The following DNAJC16 variants were observed in gnomAD, a reference collection of about 807,000 sequenced individuals.
DNAJC16 encodes DnaJ heat shock protein family (Hsp40) member C16.
DNAJC16 carries 76 observed loss-of-function variants against 92.7 expected under a neutral mutation model. That is an observed-to-expected ratio of 0.82 (90% confidence interval 0.68 to 0.99). The LOEUF is 0.99. Ranked by LOEUF, DNAJC16 falls within the 50% of genes least tolerant of loss-of-function variation. DNAJC16 has a pLI of 0.00. For synonymous variants in DNAJC16, 328 were observed against 358.7 expected (o/e 0.91, Z 0.97); for missense variants, 869 against 942.4 (o/e 0.92, Z 1.02).
intron 4 of DNAJC16, among the ~76,000 whole-genome samples, chr1:15,544,146 A>G (rs1638224379): frequency 7.5e-6 from 1 of 132,838 alleles, no homozygotes; most frequent in South Asian, 2.3e-4. Flanking sequence ...TTTTATGTAT[A>G]TGCATACACA....
At position 15,567,099 on chromosome 1, in the gene DNAJC16, C is replaced by G. The variant is rs757645004; in HGVS notation, c.1779C>G (p.Ser593Arg). The change falls in exon 14 of 15, where the codon AGC becomes AGG. Residue 593 changes from serine (S) to arginine (R), a missense_variant and splice_region_variant. Physicochemically the swap from Ser to Arg is moderately radical, Grantham distance 110 (BLOSUM62 -1). Coordinates refer to ENST00000375847, the MANE Select transcript of DNAJC16 (RefSeq NM_015291.4). Reference sequence around the variant, plus strand: ...TTAACTCCTCAATATTTCTCCACAGCAAGATTCCTAAAAAAGGCTTTGTGG... The same window carrying G: ...TTAACTCCTCAATATTTCTCCACAGGAAGATTCCTAAAAAAGGCTTTGTGG... Reference protein sequence around the residue: ...TEPSFTKENSSKIPKKGFVEV... With the variant: ...TEPSFTKENSRKIPKKGFVEV... 5 of 1,605,890 alleles carry G rather than the reference C, an allele frequency of 3.1e-6. No individual in the cohort carries two copies. Among genetic ancestry groups the G allele is most frequent in the Admixed American group, 1.7e-5 (1 of 59,912 alleles).
Position 15,568,799 on chromosome 1 carries a change from G to A in DNAJC16, c.*622G>A, listed in dbSNP as rs781251550. ...CAGGTTGAAAAGGAAAGGAATAAAC[G>A]GGAGTTCTGCATGTGAGTTCTCAAG... On this transcript the variant is annotated 3_prime_UTR_variant, in exon 15 of 15. Transcript: ENST00000375847. 4.0e-5 allele frequency: 16 copies of A among 398,332 alleles called. No homozygotes were observed. Among genetic ancestry groups the A allele is most frequent in the African/African-American group, 1.0e-4 (5 of 48,766 alleles). The allele number at this position is 398,332 out of a possible 1,614,324, so 24.7% of individuals were successfully genotyped here.
intron 9 of DNAJC16, 149 bp downstream of exon 9, chr1:15,562,474 C>CT (rs1638713116): frequency 5.4e-6 from 5 of 919,584 alleles, no homozygotes; most frequent in Non-Finnish European, 6.1e-6. Context: ...TTTGTTTTTC[C>CT]TTTTTCTTGA....
chr1:15,558,071 A>G (rs1269631215), intron 7 of DNAJC16, among the ~76,000 whole-genome samples: 2 of 149,474 alleles, frequency 1.3e-5, no homozygotes, highest in African/African-American at 2.5e-5. Context: ...GGGTTTCACT[A>G]TGTTGCACAG....
In DNAJC16 at chr1:15,570,978, C is replaced by T. The variant is rs1335680231; in HGVS notation, c.*2801C>T. On this transcript the variant is annotated 3_prime_UTR_variant, in exon 15 of 15. Coordinates refer to ENST00000375847, the MANE Select transcript of DNAJC16 (RefSeq NM_015291.4). ...GTTTAGCAGATGGGGTAAAACTGGC[C>T]TAAAACAAGTCTTTGCAGAATACAT... is the stretch of plus-strand genomic sequence containing the variant. 1.3e-5 allele frequency: 2 copies of T among 150,362 alleles called. No individual in the cohort carries two copies. The highest frequency in any genetic ancestry group is 3.0e-5 in the Non-Finnish European group (2 of 67,786). The allele number at this position is 150,362 out of a possible 1,614,324, so 9.3% of individuals were successfully genotyped here.
chr1:15,540,949 T>C (rs955855832), intron 4 of DNAJC16, among the ~76,000 whole-genome samples: 4 of 152,150 alleles, frequency 2.6e-5, no homozygotes, highest in African/African-American at 9.7e-5. Context: ...GAACTGGTCA[T>C]TGGAGGCAGT....
At chr1:15,567,706 G>C (rs776404262) in intron 14 of DNAJC16, 72 bp from the exon 15 acceptor site, 335 of 1,458,124 alleles carry the variant, frequency 2.3e-4, no homozygotes, top group Admixed American at 7.0e-4. Flanking sequence ...AAGTCTCACT[G>C]GGGTATTTAT....
intron 7 of DNAJC16, among the ~76,000 whole-genome samples, chr1:15,552,468 G>A (rs1219635363): frequency 1.3e-5 from 2 of 151,732 alleles, no homozygotes; most frequent in Admixed American, 6.6e-5. Context: ...CAGCCTGGGC[G>A]ACAGAGTGGG....
chr1:15,547,890 A>G (rs1252735549), intron 6 of DNAJC16, among the ~76,000 whole-genome samples: 1 of 151,896 alleles, frequency 6.6e-6, no homozygotes, highest in Non-Finnish European at 1.5e-5. Context: ...CAGCCTACCT[A>G]CACTCCCCAC....
chr1:15,565,087 A>C (rs1411244251), intron 11 of DNAJC16: 1 of 151,984 alleles, frequency 6.6e-6, no homozygotes, highest in East Asian at 1.9e-4. Context: ...CACCCACCTC[A>C]GCCTCCCAAA....
rs1638363127 is a variant in DNAJC16, at chr1:15,548,399, C to T, written c.994C>T (p.His332Tyr). The T allele has an allele frequency of 1.2e-6, 2 of 1,613,826 alleles. No homozygotes were observed. Among genetic ancestry groups the T allele is most frequent in the East Asian group, 4.5e-5 (2 of 44,862 alleles). The change falls in exon 7 of 15, where the codon CAT becomes TAT. Residue 332 changes from histidine (H) to tyrosine (Y), a missense_variant. Coordinates refer to ENST00000375847, the MANE Select transcript of DNAJC16 (RefSeq NM_015291.4). ...CCCTACCCTCTTGGTCTTTAAAGAA[C>T]ATATAAACAGGCCTGCCGATGTTAT... is the stretch of plus-strand genomic sequence containing the variant. ...YAPTLLVFKE[H>Y]INRPADVIQA...
intron 6 of DNAJC16, 124 bp from the exon 7 acceptor site, chr1:15,548,146 C>CAAG: frequency 1.2e-6 from 1 of 820,596 alleles, no homozygotes; most frequent in East Asian, 2.7e-5. Flanking sequence ...ATACGGAAGA[C>CAAG]CTAGTGGAGC....
rs538109304 is a variant in DNAJC16 at position 15,539,123 on chromosome 1, C to T, written c.574+2309C>T. The stretch of plus-strand genomic sequence containing the variant: ...GATGTTTACTAATGCACGGAAGACC[C>T]TCTCACAGCCTCAGTATAGTATTTT... On this transcript the variant is annotated intron_variant, in intron 4 of 14. Coordinates refer to ENST00000375847, the MANE Select transcript of DNAJC16 (RefSeq NM_015291.4). 2.5e-3 allele frequency among the ~76,000 whole-genome samples: 379 copies of T among 152,330 alleles called. 4 individuals are homozygous for T. The highest frequency in any genetic ancestry group is 8.7e-3 in the African/African-American group (363 of 41,566).
Position 15,568,655 on chromosome 1 carries a change from C to G in DNAJC16, c.*478C>G, listed in dbSNP as rs1346665240. On this transcript the variant is annotated 3_prime_UTR_variant, in exon 15 of 15. Transcript: ENST00000375847. ...AACTCTGAACAACCCACGGCAGCTT[C>G]TAGCCCCGCATCTGGAAAAAGGCCC... 7.5e-6 allele frequency: 3 copies of G among 399,226 alleles called. No homozygotes were observed. The highest frequency in any genetic ancestry group is 2.1e-5 in the African/African-American group (1 of 48,642). 24.7% of individuals were successfully genotyped at this position (399,226 alleles called of 1,614,324 possible).
Position 15,562,176 on chromosome 1 carries a change from A to C in DNAJC16, c.1189A>C (p.Lys397Gln). ...GGTTTTATTGACTGCTGAGACTACC[A>C]AGTTGAGCAAACCCTTTGAGGCTTT... ...CVVLLTAETT[K>Q]LSKPFEAFLS... The change falls in exon 9 of 15, where the codon AAG becomes CAG. Residue 397 changes from lysine to glutamine, a missense_variant. Physicochemically the swap from Lys to Gln is moderately conservative, Grantham distance 53 (BLOSUM62 1). Coordinates refer to ENST00000375847, the MANE Select transcript of DNAJC16 (RefSeq NM_015291.4). 6.2e-7 allele frequency: 1 copy of C among 1,613,982 alleles called. No homozygotes were observed. Among genetic ancestry groups the C allele is most frequent in the Non-Finnish European group, 8.5e-7 (1 of 1,179,892 alleles).
At position 15,559,573 on chromosome 1, in the gene DNAJC16, C is replaced by T. The variant is rs911384227; in HGVS notation, c.1071C>T (p.Asn357=). 2.5e-6 allele frequency: 4 copies of T among 1,614,002 alleles called. No individual in the cohort carries two copies. The African/African-American group carries it at 4.0e-5, about 16-fold the overall frequency. Residue 357 remains asparagine, a synonymous_variant, in exon 8 of 15, where the codon AAC becomes AAT. Transcript: ENST00000375847. ...TCATTGACGACTTCATCACCCGAAA[C>T]AAATATCTATTGGCAGCCAGGCTCA... ...KQIIDDFITR[N]KYLLAARLTS...
Position 15,529,141 on chromosome 1 carries a change from C to G in DNAJC16, c.36C>G (p.Phe12Leu). The G allele has an allele frequency of 1.2e-6, 2 of 1,613,940 alleles. No individual in the cohort carries two copies. The highest frequency in any genetic ancestry group is 1.7e-6 in the Non-Finnish European group (2 of 1,179,944). ...EVRKLSISWQFLIVLVLILQI... is the reference protein window; with the variant it reads ...EVRKLSISWQLLIVLVLILQI... ...GAAAGTTGAGCATTTCCTGGCAGTTCTTGATAGTTCTGGTTCTGATCCTGC... is the reference window on the plus strand; with the variant it reads ...GAAAGTTGAGCATTTCCTGGCAGTTGTTGATAGTTCTGGTTCTGATCCTGC... Residue 12 changes from phenylalanine to leucine, a missense_variant, in exon 2 of 15, where the codon TTC (phenylalanine) becomes TTG (leucine). Transcript: ENST00000375847.
At chr1:15,556,273 C>T (rs1638570507) in intron 7 of DNAJC16, among the ~76,000 whole-genome samples, 1 of 151,732 alleles carries the variant, frequency 6.6e-6, no homozygotes, top group Non-Finnish European at 1.5e-5. Flanking sequence ...CTTGCTCTGT[C>T]GCCCAGGCTG....
At chr1:15,528,766 C>T (rs1316821222) in intron 1 of DNAJC16, among the ~76,000 whole-genome samples, 1 of 151,958 alleles carries the variant, frequency 6.6e-6, no homozygotes, top group Admixed American at 6.6e-5. Context: ...TCCTGATTAT[C>T]CTATTTAGGT....
Sources: gnomAD v4.1 joint callset for allele counts (sites outside exome capture counted in the v4.1 genomes callset) on GRCh38, gnomAD v4.1.1 for gene constraint, MANE v1.5 for transcripts, NCBI Gene and HGNC (gene_info 2026-07-23, HGNC 2026-07-21) for gene names.